The following PXDNL variants were observed in gnomAD, a reference collection of about 807,000 sequenced individuals.
PXDNL encodes the protein probable oxidoreductase PXDNL.
In PXDNL, 145 loss-of-function variants were observed where a neutral mutation model predicts 150.8. That is an observed-to-expected ratio of 0.96 (90% CI 0.84 to 1.10). PXDNL has a LOEUF of 1.10. PXDNL is among the 50% of genes least tolerant of loss of function. The pLI is 0.00. For synonymous variants in PXDNL, 757 were observed against 725.7 expected (o/e 1.04, Z -0.69); for missense variants, 2,087 against 1,873.9 (o/e 1.11, Z -2.10).
chr8:51,697,885 A>C (rs1450098013), intron 1 of PXDNL, among the ~76,000 whole-genome samples: 1 of 152,258 alleles, frequency 6.6e-6, no homozygotes, highest in Non-Finnish European at 1.5e-5. Flanking sequence ...CAAGTATCAC[A>C]ATAAAATGAG....
chr8:51,770,257 C>T (rs2037278361), intron 1 of PXDNL, among the ~76,000 whole-genome samples: 1 of 152,218 alleles, frequency 6.6e-6, no homozygotes, highest in African/African-American at 2.4e-5. Context: ...AATTGGCTTA[C>T]TGTGCAACAG....
intron 17 of PXDNL, among the ~76,000 whole-genome samples, chr8:51,393,837 A>T (rs1807986075): frequency 6.6e-6 from 1 of 152,250 alleles, no homozygotes; most frequent in African/African-American, 2.4e-5. Flanking sequence ...CATCCCATGA[A>T]GCCTCCTGAA....
At chr8:51,418,340 G>C (rs1808856377) in intron 14 of PXDNL, among the ~76,000 whole-genome samples, 1 of 152,096 alleles carries the variant, frequency 6.6e-6, no homozygotes, top group African/African-American at 2.4e-5. Context: ...ACCCTATTCA[G>C]AGTAAATTTT....
chr8:51,748,702 C>T (rs959489883), intron 1 of PXDNL, among the ~76,000 whole-genome samples: 1 of 152,194 alleles, frequency 6.6e-6, no homozygotes, highest in Admixed American at 6.5e-5. Context: ...CACGAGGTCA[C>T]GAGCCCCTGG....
chr8:51,601,422 T>C (rs182626566), intron 2 of PXDNL, among the ~76,000 whole-genome samples: 1 of 152,226 alleles, frequency 6.6e-6, no homozygotes, highest in Admixed American at 6.5e-5. Context: ...TGTGCATATA[T>C]TTAGGATAGT....
intron 1 of PXDNL, among the ~76,000 whole-genome samples, chr8:51,687,304 G>C (rs531884755): frequency 6.6e-6 from 1 of 152,240 alleles, no homozygotes; most frequent in Non-Finnish European, 1.5e-5. Context: ...CAATATGTCA[G>C]ATGCTTTAGT....
chr8:51,468,313 G>T (rs1200313137), intron 8 of PXDNL, among the ~76,000 whole-genome samples: 1 of 151,766 alleles, frequency 6.6e-6, no homozygotes, highest in Non-Finnish European at 1.5e-5. Context: ...CAGCTATTTT[G>T]TTAGGTATAT....
intron 1 of PXDNL, among the ~76,000 whole-genome samples, chr8:51,776,273 G>A (rs1232840514): frequency 6.6e-6 from 1 of 152,062 alleles, no homozygotes; most frequent in East Asian, 1.9e-4. Context: ...TTATCACCTT[G>A]TGAAGCATGT....
At chr8:51,436,432 TACAG>T (rs1297200766) in intron 12 of PXDNL, 4 of 374,944 alleles carry the variant, frequency 1.1e-5, no homozygotes, top group Admixed American at 3.5e-5. Context: ...ACCTGCAAAA[TACAG>T]AGAGAATCAG....
intron 1 of PXDNL, among the ~76,000 whole-genome samples, chr8:51,714,654 A>G (rs894215597): frequency 6.6e-6 from 1 of 152,230 alleles, no homozygotes; most frequent in Non-Finnish European, 1.5e-5. Flanking sequence ...AGAGGAGAGG[A>G]TAACAGTCCA....
rs189628340 is a variant in PXDNL at position 51,780,914 on chromosome 8, C to A, written c.164+28267G>T. On this transcript the variant is annotated intron_variant, in intron 1 of 22. Transcript: ENST00000356297. ...ACCTCAGGTGATCCACCTGCCTCGG[C>A]CTCCCAGGGTGCTGGGATTACAGGT... 3.9e-4 allele frequency among the ~76,000 whole-genome samples: 59 copies of A among 151,482 alleles called. 1 individual carries two copies. In the East Asian group the frequency reaches 8.6e-3, roughly 22 times the overall value.
intron 13 of PXDNL, among the ~76,000 whole-genome samples, chr8:51,424,620 A>G (rs1455999129): frequency 1.3e-5 from 2 of 152,170 alleles, no homozygotes; most frequent in Non-Finnish European, 2.9e-5. Flanking sequence ...TTTAATTAAT[A>G]TAGACTTACA....
At chr8:51,354,502 G>A (rs2915470) in intron 19 of PXDNL, among the ~76,000 whole-genome samples, 111,390 of 151,954 alleles carry the variant, frequency 0.73, 41,372 homozygotes, top group East Asian at 0.94. Context: ...TGTCAAGATT[G>A]TTGCATTTGT....
At chr8:51,642,825 A>T (rs189375821) in intron 2 of PXDNL, among the ~76,000 whole-genome samples, 2 of 152,332 alleles carry the variant, frequency 1.3e-5, no homozygotes, top group East Asian at 1.9e-4. Context: ...CCTTAAGCTG[A>T]TAAACAACTT....
intron 6 of PXDNL, among the ~76,000 whole-genome samples, chr8:51,483,262 A>G (rs1454694055): frequency 6.6e-6 from 1 of 152,214 alleles, no homozygotes; most frequent in East Asian, 1.9e-4. Context: ...ACTCCGTACA[A>G]CAAGGGAAAA....
At chr8:51,554,846 C>T (rs1812568888) in intron 4 of PXDNL, among the ~76,000 whole-genome samples, 1 of 152,196 alleles carries the variant, frequency 6.6e-6, no homozygotes, top group South Asian at 2.1e-4. Context: ...AGAAGTTTTA[C>T]ACTTTCCCTA....
chr8:51,450,156 T>G (rs1454199793), intron 10 of PXDNL, among the ~76,000 whole-genome samples: 2 of 152,218 alleles, frequency 1.3e-5, no homozygotes, highest in Non-Finnish European at 2.9e-5. Flanking sequence ...ACTGTCCTGG[T>G]GCTGGTAGGA....
At chr8:51,745,821 G>C (rs1187459132) in intron 1 of PXDNL, among the ~76,000 whole-genome samples, 2 of 151,024 alleles carry the variant, frequency 1.3e-5, no homozygotes, top group African/African-American at 2.4e-5. Flanking sequence ...TGAGACTGGA[G>C]TGCAGTGGTG....
At chr8:51,516,693 C>A (rs1811548723) in intron 4 of PXDNL, among the ~76,000 whole-genome samples, 1 of 152,210 alleles carries the variant, frequency 6.6e-6, no homozygotes, top group African/African-American at 2.4e-5. Flanking sequence ...TCAAGTCACA[C>A]AGTCCTTTCT....
Sources: gnomAD v4.1 joint callset for allele counts (sites outside exome capture counted in the v4.1 genomes callset) on GRCh38, gnomAD v4.1.1 for gene constraint, MANE v1.5 for transcripts, NCBI Gene and HGNC (gene_info 2026-07-23, HGNC 2026-07-21) for gene names.